The following SETBP1 variants were observed in gnomAD, a reference collection of about 807,000 sequenced individuals.
The protein encoded by SETBP1 is SET-binding protein.
A neutral mutation model predicts 101.0 loss-of-function variants in SETBP1; 9 were observed. The ratio of observed to expected loss-of-function variants is 0.09; its 90% CI spans 0.05 to 0.16. The LOEUF (loss-of-function observed/expected upper bound fraction) is 0.16. Among genes scored for constraint, SETBP1 ranks in the 10% least tolerant of loss-of-function variants. SETBP1 has a pLI of 1.00. For missense variants in SETBP1, 1,858 were observed against 2,033.8 expected (o/e 0.91, Z 1.66); for synonymous variants, 818 against 788.5 (o/e 1.04, Z -0.63).
intron 4 of SETBP1, among the ~76,000 whole-genome samples, chr18:45,037,893 T>A (rs908139788): frequency 3.3e-5 from 5 of 152,182 alleles, no homozygotes; most frequent in African/African-American, 1.2e-4. Flanking sequence ...TCCCCACCCA[T>A]GCCTTAGCCT....
At chr18:44,900,411 T>A (rs1423098143) in intron 3 of SETBP1, among the ~76,000 whole-genome samples, 1 of 152,260 alleles carries the variant, frequency 6.6e-6, no homozygotes, top group African/African-American at 2.4e-5. Context: ...GTGATCTTTA[T>A]GCTGCCTTAT....
chr18:44,954,290 GA>G (rs933702073), intron 4 of SETBP1, among the ~76,000 whole-genome samples: 17 of 127,878 alleles, frequency 1.3e-4, no homozygotes, highest in African/African-American at 5.3e-4. Flanking sequence ...TAGTTATTAG[GA>G]AAATAGTAGA....
chr18:44,834,357 A>T (rs142629804), intron 2 of SETBP1, among the ~76,000 whole-genome samples: 3 of 152,362 alleles, frequency 2.0e-5, no homozygotes, highest in Non-Finnish European at 4.4e-5. Flanking sequence ...AAGTCAAGAC[A>T]TGGCACCTGG....
intron 2 of SETBP1, among the ~76,000 whole-genome samples, chr18:44,777,991 C>CA (rs2071039894): frequency 6.6e-6 from 1 of 152,330 alleles, no homozygotes; most frequent in Non-Finnish European, 1.5e-5. Context: ...ATTTCACTGA[C>CA]AGATTCCCTG....
chr18:44,827,770 G>A (rs1414527383), intron 2 of SETBP1, among the ~76,000 whole-genome samples: 2 of 152,156 alleles, frequency 1.3e-5, no homozygotes, highest in Non-Finnish European at 2.9e-5. Flanking sequence ...CTCTGAAAAT[G>A]GCACAGGTTT....
At chr18:44,936,810 T>G (rs2070968845) in intron 3 of SETBP1, among the ~76,000 whole-genome samples, 1 of 152,050 alleles carries the variant, frequency 6.6e-6, no homozygotes, top group Admixed American at 6.5e-5. Flanking sequence ...ACAAGTGAGC[T>G]CTCTATGACT....
At chr18:44,899,700 C>T (rs990101423) in intron 3 of SETBP1, among the ~76,000 whole-genome samples, 2 of 152,196 alleles carry the variant, frequency 1.3e-5, no homozygotes, top group African/African-American at 4.8e-5. Flanking sequence ...TTGATCTCCA[C>T]AAACTATGTA....
intron 2 of SETBP1, among the ~76,000 whole-genome samples, chr18:44,867,370 C>T (rs960326180): frequency 2.0e-5 from 3 of 152,204 alleles, no homozygotes; most frequent in African/African-American, 4.8e-5. Flanking sequence ...ACCTGAAGTG[C>T]GTTGCCCTGC....
At chr18:44,827,635 G>A (rs1448150405) in intron 2 of SETBP1, among the ~76,000 whole-genome samples, 2 of 152,182 alleles carry the variant, frequency 1.3e-5, no homozygotes, top group East Asian at 1.9e-4. Flanking sequence ...AACCATGGAG[G>A]ACTGGCATTT....
At chr18:44,973,963 T>C (rs752944797) in intron 4 of SETBP1, among the ~76,000 whole-genome samples, 24 of 152,220 alleles carry the variant, frequency 1.6e-4, no homozygotes, top group Admixed American at 2.0e-4. Flanking sequence ...CAGAACCATT[T>C]TGTTATTGTT....
chr18:44,869,236 A>ACAGCCAGTGACCTTG lies in SETBP1; in HGVS notation c.507_521dup (p.Ala170_Leu174dup). ...TTTCTTTATTCTTTTGCAGCTCCTCACAGCCAGTGACCTTGCAGCCAGTGA... is the reference window on the plus strand; with the variant it reads ...TTTCTTTATTCTTTTGCAGCTCCTCACAGCCAGTGACCTTGCAGCCAGTGACCTTGCAGCCAGTGA... On this transcript the variant is annotated inframe_insertion, in exon 3 of 6. Coordinates refer to ENST00000649279, the MANE Select transcript of SETBP1 (RefSeq NM_015559.3). 1.2e-6 allele frequency: 2 copies of ACAGCCAGTGACCTTG among 1,614,112 alleles called. No individual in the cohort carries two copies. The highest frequency in any genetic ancestry group is 1.7e-6 in the Non-Finnish European group (2 of 1,179,958).
chr18:44,904,989 G>T lies in SETBP1; in HGVS notation c.540+35706G>T, dbSNP rs181670808. ...CTAGTGGTATACTCCAGAAAGAAATGGATTTTTCATGAAGGGCTAGCAACC... is the reference window on the plus strand; with the variant it reads ...CTAGTGGTATACTCCAGAAAGAAATTGATTTTTCATGAAGGGCTAGCAACC... On this transcript the variant is annotated intron_variant, in intron 3 of 5. Coordinates refer to ENST00000649279, the MANE Select transcript of SETBP1 (RefSeq NM_015559.3). 1.2e-3 allele frequency among the ~76,000 whole-genome samples: 186 copies of T among 152,194 alleles called. No individual in the cohort carries two copies. In the Middle Eastern group the frequency reaches 0.044, roughly 36 times the overall value.
At chr18:44,822,396 A>G (rs1351919089) in intron 2 of SETBP1, among the ~76,000 whole-genome samples, 1 of 152,170 alleles carries the variant, frequency 6.6e-6, no homozygotes, top group Non-Finnish European at 1.5e-5. Flanking sequence ...ATAAATATTC[A>G]TCAGTTTAAA....
intron 4 of SETBP1, among the ~76,000 whole-genome samples, chr18:45,030,061 T>G (rs202052839): frequency 0.32 from 42,853 of 135,012 alleles, 7,527 homozygotes; most frequent in Middle Eastern, 0.39. Flanking sequence ...AATAGGAGTG[T>G]TGAGAGAGGG....
intron 2 of SETBP1, among the ~76,000 whole-genome samples, chr18:44,773,820 C>G (rs2070929232): frequency 8.0e-5 from 9 of 113,148 alleles, no homozygotes; most frequent in Admixed American, 3.0e-4. Context: ...CTCTCTCTCT[C>G]TCTGTCTCTC....
rs773555395 is a variant in SETBP1 at position 44,786,527 on chromosome 18, C to T, written c.487-82703C>T. Among the ~76,000 whole-genome samples the T allele has an allele frequency of 1.2e-3, 186 of 152,088 alleles. 1 individual carries two copies. The highest frequency in any genetic ancestry group is 2.1e-4 in the Non-Finnish European group (14 of 68,026). Reference sequence around the variant, plus strand: ...AAAGATGCAGATATGTTATATGGAACTTGGAAGTTGTACTTTTGGATAAAT... The same window carrying T: ...AAAGATGCAGATATGTTATATGGAATTTGGAAGTTGTACTTTTGGATAAAT... On this transcript the variant is annotated intron_variant, in intron 2 of 5. Coordinates refer to ENST00000649279, the MANE Select transcript of SETBP1 (RefSeq NM_015559.3).
At chr18:45,044,341 C>CTA (rs2073567236) in intron 5 of SETBP1, among the ~76,000 whole-genome samples, 1 of 152,150 alleles carries the variant, frequency 6.6e-6, no homozygotes, top group South Asian at 2.1e-4. Context: ...AAAGTGCTAC[C>CTA]TATGGGCTCA....
chr18:45,036,415 A>G (rs1351279279), intron 4 of SETBP1, among the ~76,000 whole-genome samples: 1 of 151,844 alleles, frequency 6.6e-6, no homozygotes, highest in Non-Finnish European at 1.5e-5. Context: ...CAGAATAACC[A>G]CTGTTACCTA....
Position 44,953,271 on chromosome 18 carries a change from G to A in SETBP1, c.3931G>A (p.Glu1311Lys). 6.2e-7 allele frequency: 1 copy of A among 1,614,104 alleles called. No homozygotes were observed. Among genetic ancestry groups the A allele is most frequent in the Non-Finnish European group, 8.5e-7 (1 of 1,180,032 alleles). The change falls in exon 4 of 6, where the codon GAA (glutamate) becomes AAA (lysine). Residue 1311 changes from glutamate (E) to lysine (K), a missense_variant. Glu to Lys is a moderately conservative substitution (Grantham distance 56). Around this residue, in one of 12 missense-constraint regions of SETBP1, gnomAD observed 417 missense variants for 389.1 expected, o/e 1.07. Transcript: ENST00000649279. ...CTATGAAGGCTTTGGAACGTACAGG[G>A]AAAAGGACATCCAAGCCTTCAAGAT... is the stretch of plus-strand genomic sequence containing the variant. ...RSYEGFGTYR[E>K]KDIQAFKMNR...
Sources: gnomAD v4.1 joint callset for allele counts (sites outside exome capture counted in the v4.1 genomes callset) on GRCh38, gnomAD v4.1.1 for gene constraint, gnomAD v4.1.1 regional missense constraint, MANE v1.5 for transcripts, NCBI Gene and HGNC (gene_info 2026-07-23, HGNC 2026-07-21) for gene names.